Variants in TMEM266 observed in about 807,000 individuals in gnomAD.
The protein encoded by TMEM266 is transmembrane protein 266.
A neutral mutation model predicts 50.5 loss-of-function variants in TMEM266; 33 were observed. The ratio of observed to expected loss-of-function variants is 0.65; its 90% CI spans 0.50 to 0.87. The LOEUF (loss-of-function observed/expected upper bound fraction) is 0.87, where lower values mean the gene tolerates loss of function less well. TMEM266 is among the 40% of genes least tolerant of loss of function. The probability of loss-of-function intolerance (pLI) is 0.00; values close to 1 mark genes in which losing one functional copy is unlikely to be tolerated. For synonymous variants in TMEM266, 310 were observed against 292.3 expected (o/e 1.06, Z -0.62); for missense variants, 655 against 695.1 (o/e 0.94, Z 0.65).
intron 5 of TMEM266, among the ~76,000 whole-genome samples, chr15:76,166,037 C>A (rs1336794222): frequency 1.3e-5 from 2 of 152,132 alleles, no homozygotes; most frequent in South Asian, 4.1e-4. Flanking sequence ...TTCACGTAAA[C>A]CCCCCGATGC....
intron 1 of TMEM266, among the ~76,000 whole-genome samples, chr15:76,072,426 G>A (rs1385504898): frequency 6.8e-5 from 7 of 102,516 alleles, no homozygotes; most frequent in Admixed American, 1.4e-4. Flanking sequence ...CAACAAGAGC[G>A]AAAAACTCTG....
In TMEM266 at chr15:76,120,527, G is replaced by A. The variant is rs1248720975; in HGVS notation, c.-96-13641G>A. Among the ~76,000 whole-genome samples, 9 of 152,190 alleles carry A rather than the reference G, an allele frequency of 5.9e-5. No homozygotes were observed. In the Middle Eastern group the frequency reaches 0.01, roughly 173 times the overall value. ...CATAATCCCAGCACTATAGGAGGCC[G>A]AGACAGGTGGATCACTTGAGGTCAG... is the stretch of plus-strand genomic sequence containing the variant. On this transcript the variant is annotated intron_variant, in intron 1 of 10. Transcript: ENST00000388942.
intron 6 of TMEM266, among the ~76,000 whole-genome samples, chr15:76,170,743 C>T (rs944907843): frequency 6.6e-6 from 1 of 152,292 alleles, no homozygotes; most frequent in Admixed American, 6.5e-5. Context: ...CAGCCCAAGG[C>T]CATCTGAACT....
At chr15:76,070,955 C>T (rs2036530031) in intron 1 of TMEM266, among the ~76,000 whole-genome samples, 1 of 152,246 alleles carries the variant, frequency 6.6e-6, no homozygotes, top group South Asian at 2.1e-4. Context: ...GTCAGTGCCA[C>T]ATAGTCATTG....
chr15:76,099,835 G>T (rs565661624), intron 1 of TMEM266, among the ~76,000 whole-genome samples: 2 of 152,290 alleles, frequency 1.3e-5, no homozygotes, highest in South Asian at 4.1e-4. Flanking sequence ...TCACAGTTCT[G>T]CAGGCTTAAG....
At chr15:76,192,278 T>G (rs1452491067) in intron 9 of TMEM266, 121 bp downstream of exon 9, 1 of 922,354 alleles carries the variant, frequency 1.1e-6, no homozygotes, top group Non-Finnish European at 1.5e-6. Context: ...GTGCCCCTCC[T>G]TCACTCGTGA....
At chr15:76,108,634 C>T (rs1411949743) in intron 1 of TMEM266, among the ~76,000 whole-genome samples, 1 of 152,118 alleles carries the variant, frequency 6.6e-6, no homozygotes, top group East Asian at 1.9e-4. Flanking sequence ...TGTGAAGAGC[C>T]TGGTCCATTG....
intron 2 of TMEM266, among the ~76,000 whole-genome samples, chr15:76,136,907 C>A (rs1192964673): frequency 2.0e-5 from 3 of 152,172 alleles, no homozygotes; most frequent in Admixed American, 6.5e-5. Flanking sequence ...AATGCCTCCA[C>A]AAATTGCCAA....
At chr15:76,084,990 C>T (rs1185177354) in intron 1 of TMEM266, among the ~76,000 whole-genome samples, 10 of 143,658 alleles carry the variant, frequency 7.0e-5, no homozygotes, top group Admixed American at 5.6e-4. Context: ...ACAAGAGTCT[C>T]ACTCTGTTGC....
intron 1 of TMEM266, among the ~76,000 whole-genome samples, chr15:76,116,587 C>T (rs1555447763): frequency 6.6e-6 from 1 of 152,038 alleles, no homozygotes; most frequent in Non-Finnish European, 1.5e-5. Context: ...CCTTGACCAT[C>T]ATGAGTGTGT....
At chr15:76,099,981 T>C (rs2036978421) in intron 1 of TMEM266, among the ~76,000 whole-genome samples, 1 of 152,118 alleles carries the variant, frequency 6.6e-6, no homozygotes, top group African/African-American at 2.4e-5. Flanking sequence ...TTAGATCTCA[T>C]GAGAATTCAT....
chr15:76,111,323 G>T (rs779780222), intron 1 of TMEM266, among the ~76,000 whole-genome samples: 3 of 151,378 alleles, frequency 2.0e-5, no homozygotes, highest in African/African-American at 7.3e-5. Context: ...TCAGTGATCC[G>T]CCTTGGCCTT....
chr15:76,099,380 T>G (rs779500149), intron 1 of TMEM266, among the ~76,000 whole-genome samples: 2 of 152,222 alleles, frequency 1.3e-5, no homozygotes, highest in Non-Finnish European at 2.9e-5. Context: ...CCCACCCTGC[T>G]TCAGCTCACT....
chr15:76,186,560 C>T (rs902612940), intron 8 of TMEM266, among the ~76,000 whole-genome samples: 9 of 152,232 alleles, frequency 5.9e-5, no homozygotes, highest in African/African-American at 2.2e-4. Flanking sequence ...TTGTCCTCTC[C>T]CTCACCGCCA....
intron 3 of TMEM266, among the ~76,000 whole-genome samples, chr15:76,151,587 C>T (rs991419631): frequency 3.3e-5 from 5 of 152,146 alleles, no homozygotes; most frequent in Non-Finnish European, 7.3e-5. Flanking sequence ...ACCCCACACA[C>T]ATAGCCTGCC....
chr15:76,173,847 C>T (rs576507816), intron 7 of TMEM266, among the ~76,000 whole-genome samples: 294 of 151,756 alleles, frequency 1.9e-3, no homozygotes, highest in African/African-American at 6.8e-3. Flanking sequence ...GCATGAGAAT[C>T]GCTTGAACCC....
At chr15:76,158,819 C>T (rs1054526714) in intron 4 of TMEM266, among the ~76,000 whole-genome samples, 57 of 152,324 alleles carry the variant, frequency 3.7e-4, no homozygotes, top group African/African-American at 1.3e-3. Flanking sequence ...TTCTAAGGGT[C>T]GTCTTGGCCC....
At chr15:76,120,239 A>G (rs1214424529) in intron 1 of TMEM266, among the ~76,000 whole-genome samples, 1 of 152,142 alleles carries the variant, frequency 6.6e-6, no homozygotes, top group Non-Finnish European at 1.5e-5. Context: ...AAGAAACCGT[A>G]TCAATGGGGC....
In TMEM266 at chr15:76,168,561, T is replaced by G. The variant is rs1465890271; in HGVS notation, c.457-1255T>G. Among the ~76,000 whole-genome samples the G allele has an allele frequency of 6.6e-6, 1 of 152,212 alleles. No homozygotes were observed. The highest frequency in any genetic ancestry group is 2.4e-5 in the African/African-American group (1 of 41,444). On this transcript the variant is annotated intron_variant, in intron 5 of 10. Transcript: ENST00000388942. This position sits in a 1 kb window ranked among gnomAD's most constrained non-coding sequence, Gnocchi z 4.4. The stretch of plus-strand genomic sequence containing the variant: ...CACCGGCATCTTACGAGACCAGCAT[T>G]TAGGGGCTTCTTTGGAGAAAGATGT...
Sources: gnomAD v4.1 joint callset for allele counts (sites outside exome capture counted in the v4.1 genomes callset) on GRCh38, gnomAD v4.1.1 for gene constraint, Gnocchi (gnomAD v3.1) non-coding constraint, MANE v1.5 for transcripts, NCBI Gene and HGNC (gene_info 2026-07-23, HGNC 2026-07-21) for gene names.